Variants in KCNAB2 observed in about 807,000 individuals in gnomAD.
The protein encoded by KCNAB2 is voltage-gated potassium channel subunit beta-2.
In KCNAB2, 29 loss-of-function variants were observed where a neutral mutation model predicts 63.6. The ratio of observed to expected loss-of-function variants is 0.46; its 90% CI spans 0.34 to 0.62. The LOEUF (loss-of-function observed/expected upper bound fraction) is 0.62. Ranked by LOEUF, KCNAB2 falls within the 20% of genes least tolerant of loss-of-function variation. The pLI is 0.01. For missense variants in KCNAB2, 359 were observed against 563.9 expected (o/e 0.64, Z 3.68); for synonymous variants, 222 against 224.2 (o/e 0.99, Z 0.09).
intron 15 of KCNAB2, chr1:6,098,101 G>A (rs1665801269): frequency 2.1e-6 from 2 of 970,536 alleles, no homozygotes; most frequent in Non-Finnish European, 2.5e-6. Flanking sequence ...GTGGAAGTCG[G>A]TCCCCGGGTG....
intron 1 of KCNAB2, among the ~76,000 whole-genome samples, chr1:6,037,290 G>A (rs1237475202): frequency 1.3e-5 from 2 of 152,232 alleles, no homozygotes; most frequent in Non-Finnish European, 2.9e-5. Flanking sequence ...AAGAGAGAGT[G>A]AAGTGTGGGG....
At chr1:6,007,577 A>G (rs961898881) in intron 1 of KCNAB2, 3 of 152,468 alleles carry the variant, frequency 2.0e-5, no homozygotes, top group African/African-American at 7.2e-5. Context: ...CGCAGTCATC[A>G]TCCGGAAGTG....
intron 1 of KCNAB2, among the ~76,000 whole-genome samples, chr1:6,012,689 G>A (rs1038783970): frequency 2.6e-5 from 4 of 151,856 alleles, no homozygotes; most frequent in Non-Finnish European, 5.9e-5. Context: ...TGGAGGTAGT[G>A]GTGGAGGTGA....
At chr1:6,058,406 C>T (rs1662023854) in intron 2 of KCNAB2, among the ~76,000 whole-genome samples, 1 of 152,288 alleles carries the variant, frequency 6.6e-6, no homozygotes, top group Admixed American at 6.5e-5. Context: ...GGGCTCCCAC[C>T]GGCTACCTGT....
rs1663002224 is a variant in KCNAB2, at chr1:6,069,257, AC to A, written c.219-3497del. On this transcript the variant is annotated intron_variant, in intron 2 of 15. Coordinates refer to ENST00000378083, the MANE Select transcript of KCNAB2 (RefSeq NM_001199862.2). The surrounding 1 kb of genome is among the most constrained non-coding windows in gnomAD (Gnocchi z 5.4). ...CCTCCGCAACCAGCTAGCCAAGGCC[AC>A]GGTGCTTGCCCTTCACCTGATCACA... is the stretch of plus-strand genomic sequence containing the variant. Among the ~76,000 whole-genome samples, 3 of 152,222 alleles carry A rather than the reference AC, an allele frequency of 2.0e-5. No homozygotes were observed.
At chr1:6,088,703 A>AAATAAT (rs3040477) in intron 7 of KCNAB2, among the ~76,000 whole-genome samples, 3 of 142,490 alleles carry the variant, frequency 2.1e-5, no homozygotes, top group African/African-American at 2.6e-5. Flanking sequence ...TTAATTTAAA[A>AAATAAT]AATAATAATA....
chr1:6,018,969 T>C (rs1658669579), intron 1 of KCNAB2: 1 of 152,240 alleles, frequency 6.6e-6, no homozygotes, highest in Non-Finnish European at 1.5e-5. Context: ...TGAAATGTTA[T>C]TCTTCTTTTG....
upstream of KCNAB2, among the ~76,000 whole-genome samples, chr1:6,033,182 AGTGT>A (rs993914997): frequency 6.6e-6 from 1 of 151,888 alleles, no homozygotes; most frequent in African/African-American, 2.4e-5. Context: ...TTCAGAGAAA[AGTGT>A]GTGTGTGCAT....
intron 2 of KCNAB2, among the ~76,000 whole-genome samples, chr1:6,062,536 G>A (rs1048090272): frequency 6.6e-6 from 1 of 152,172 alleles, no homozygotes; most frequent in African/African-American, 2.4e-5. Context: ...GGTGCTGGAC[G>A]GTGGAGACAC....
intron 2 of KCNAB2, among the ~76,000 whole-genome samples, chr1:6,057,298 C>G (rs1661923008): frequency 1.3e-5 from 2 of 152,026 alleles, no homozygotes; most frequent in Non-Finnish European, 2.9e-5. Flanking sequence ...ACCACAAGCT[C>G]AGGTTCACCA....
rs1490477902 is a variant in KCNAB2, at chr1:6,087,065, G to C, written c.426-402G>C. ...CCCCAGAGCCCGCCCCTGCCCCCTG[G>C]CCCACACCCGGCCTCCTCCAGCCTT... is the stretch of plus-strand genomic sequence containing the variant. On this transcript the variant is annotated intron_variant, in intron 6 of 15. Coordinates refer to ENST00000378083, the MANE Select transcript of KCNAB2 (RefSeq NM_001199862.2). The surrounding 1 kb of genome is among the most constrained non-coding windows in gnomAD (Gnocchi z 6.4). Among the ~76,000 whole-genome samples, 1 of 151,890 alleles carries C rather than the reference G, an allele frequency of 6.6e-6. No homozygotes were observed. The highest frequency in any genetic ancestry group is 1.9e-4 in the East Asian group (1 of 5,148).
At chr1:6,048,518 G>T (rs530585111) in intron 1 of KCNAB2, among the ~76,000 whole-genome samples, 2 of 152,232 alleles carry the variant, frequency 1.3e-5, no homozygotes, top group African/African-American at 2.4e-5. Flanking sequence ...CTGTCCAGAA[G>T]CTGGGCACTC....
intron 1 of KCNAB2, among the ~76,000 whole-genome samples, chr1:6,039,166 G>A (rs192209711): frequency 7.9e-5 from 12 of 152,270 alleles, no homozygotes; most frequent in Non-Finnish European, 1.2e-4. Flanking sequence ...CAGCAAGGGC[G>A]CAGCCAGTAG....
At chr1:6,004,981 TGCAGGC>T (rs1557920918) in intron 1 of KCNAB2, among the ~76,000 whole-genome samples, 17 of 115,356 alleles carry the variant, frequency 1.5e-4, no homozygotes, top group Middle Eastern at 4.5e-3. Flanking sequence ...GGGATGAGGG[TGCAGGC>T]AGAGATCTGG....
At chr1:6,070,297 T>G (rs1356058501) in intron 2 of KCNAB2, among the ~76,000 whole-genome samples, 1 of 152,220 alleles carries the variant, frequency 6.6e-6, no homozygotes, top group African/African-American at 2.4e-5. Context: ...GATCAGAACC[T>G]CCAGCCCTTT....
chr1:6,050,447 T>A (rs1459641496), intron 1 of KCNAB2, among the ~76,000 whole-genome samples: 1 of 152,182 alleles, frequency 6.6e-6, no homozygotes, highest in Non-Finnish European at 1.5e-5. Context: ...CTCTGCAGGG[T>A]GAGGACTCAG....
At chr1:6,041,048 A>T (rs1660457867), upstream of KCNAB2, 3 of 172,090 alleles carry the variant, frequency 1.7e-5, no homozygotes, top group South Asian at 5.2e-4. Context: ...GAGGATGACG[A>T]CCTTGCAGGC....
chr1:6,023,939 A>ATTT (rs5772216), intron 1 of KCNAB2, among the ~76,000 whole-genome samples: 1 of 141,432 alleles, frequency 7.1e-6, no homozygotes. Context: ...TGAATGACTA[A>ATTT]TTTTTTTTTT....
upstream of KCNAB2, among the ~76,000 whole-genome samples, chr1:6,030,555 G>C (rs1157177844): frequency 6.6e-6 from 1 of 151,752 alleles, no homozygotes; most frequent in African/African-American, 2.4e-5. Context: ...GTGTATGTGT[G>C]TATGTCTATG....
Sources: gnomAD v4.1 joint callset for allele counts (sites outside exome capture counted in the v4.1 genomes callset) on GRCh38, gnomAD v4.1.1 for gene constraint, Gnocchi (gnomAD v3.1) non-coding constraint, MANE v1.5 for transcripts, NCBI Gene and HGNC (gene_info 2026-07-23, HGNC 2026-07-21) for gene names.